The following ETV1 variants were observed in gnomAD, a reference collection of about 807,000 sequenced individuals.
The protein encoded by ETV1 is ETS variant transcription factor 1.
In ETV1, 27 loss-of-function variants were observed where a neutral mutation model predicts 62.3. The ratio of observed to expected loss-of-function variants is 0.43; its 90% CI spans 0.32 to 0.60. ETV1 has a LOEUF of 0.60. Ranked by LOEUF, ETV1 falls within the 20% of genes least tolerant of loss-of-function variation. The probability of loss-of-function intolerance (pLI) is 0.06; values close to 1 mark genes in which losing one functional copy is unlikely to be tolerated. For synonymous variants in ETV1, 222 were observed against 199.6 expected (o/e 1.11, Z -0.94); for missense variants, 605 against 605.8 (o/e 1.00, Z 0.01).
rs1453902775 is a variant in ETV1 at position 13,895,317 on chromosome 7, A to G, written c.*549T>C. On this transcript the variant is annotated 3_prime_UTR_variant, in exon 14 of 14. Coordinates refer to ENST00000430479, the MANE Select transcript of ETV1 (RefSeq NM_004956.5). ...ACAACAAACAGCAAATGCAATCGCT[A>G]AATACCTTTTTACAAGTGGTGCAAA... 8.5e-6 allele frequency: 2 copies of G among 234,008 alleles called. No individual in the cohort carries two copies. Among genetic ancestry groups the G allele is most frequent in the African/African-American group, 4.4e-5 (2 of 45,348 alleles). 14.5% of individuals were successfully genotyped at this position (234,008 alleles called of 1,614,324 possible).
intron 9 of ETV1, among the ~76,000 whole-genome samples, chr7:13,923,377 GAAT>G (rs1785066757): frequency 6.6e-6 from 1 of 152,048 alleles, no homozygotes; most frequent in South Asian, 2.1e-4. Flanking sequence ...GCAAAACATA[GAAT>G]AACATTTACA....
upstream of ETV1, chr7:13,989,758 T>A (rs1044005580): frequency 7.6e-6 from 3 of 396,880 alleles, no homozygotes; most frequent in African/African-American, 6.2e-5. Context: ...TGGCTCCGCG[T>A]CTCTTTCACA....
chr7:13,945,598 T>A (rs1788062977), intron 6 of ETV1, among the ~76,000 whole-genome samples: 1 of 152,188 alleles, frequency 6.6e-6, no homozygotes, highest in African/African-American at 2.4e-5. Context: ...GCTACATTAT[T>A]TTCCTTATTT....
intron 5 of ETV1, among the ~76,000 whole-genome samples, chr7:13,983,963 C>T (rs1219446952): frequency 6.6e-6 from 1 of 151,640 alleles, no homozygotes; most frequent in Admixed American, 6.6e-5. Context: ...TAATAATTAC[C>T]CATGACTAAT....
intron 9 of ETV1, among the ~76,000 whole-genome samples, chr7:13,917,886 C>G (rs956088636): frequency 6.6e-6 from 1 of 151,794 alleles, no homozygotes; most frequent in East Asian, 2.0e-4. Flanking sequence ...ATGGCGTGAA[C>G]CCGGGAGGCG....
intron 6 of ETV1, among the ~76,000 whole-genome samples, chr7:13,942,552 C>T (rs933185168): frequency 5.9e-5 from 9 of 152,218 alleles, no homozygotes; most frequent in South Asian, 2.1e-4. Context: ...TGACCCTCTT[C>T]GCTTTTCCAC....
intron 3 of ETV1, 40 bp from the exon 4 acceptor site, chr7:13,988,213 C>A (rs1194877347): frequency 1.5e-6 from 2 of 1,344,754 alleles, no homozygotes; most frequent in African/African-American, 3.0e-5. Context: ...AGAATGTAAA[C>A]CTCAGATCAC....
At chr7:13,958,200 C>T (rs540198214) in intron 6 of ETV1, among the ~76,000 whole-genome samples, 8 of 152,232 alleles carry the variant, frequency 5.3e-5, no homozygotes, top group African/African-American at 1.9e-4. Context: ...TACAAAAATA[C>T]ATTATACCCT....
In ETV1 at chr7:13,942,341, G is replaced by T. The variant is rs368114248; in HGVS notation, c.236-3095C>A. On this transcript the variant is annotated intron_variant, in intron 6 of 13. Transcript: ENST00000430479. ...CCCGGCCTCTTTTTTTAAACAAGTGGTTTTCGATTATTTATTACATCTTTG... is the reference window on the plus strand; with the variant it reads ...CCCGGCCTCTTTTTTTAAACAAGTGTTTTTCGATTATTTATTACATCTTTG... 2.9e-3 allele frequency among the ~76,000 whole-genome samples: 403 copies of T among 140,278 alleles called. 5 individuals carry two copies. Among genetic ancestry groups the T allele is most frequent in the African/African-American group, 9.6e-3 (384 of 40,088 alleles). The allele number at this position is 140,278 out of a possible 152,430, so 92.0% of individuals were successfully genotyped here. A position where few individuals can be genotyped will look rare whatever the true frequency, so the allele number is the denominator to read the frequency against.
intron 7 of ETV1, 105 bp from the exon 8 acceptor site, chr7:13,936,001 T>A: frequency 1.1e-6 from 1 of 892,670 alleles, no homozygotes; most frequent in Non-Finnish European, 1.7e-6. Flanking sequence ...TTAAGTCAAA[T>A]GGAAATGAAA....
chr7:13,917,973 A>G (rs1784378175), intron 9 of ETV1, among the ~76,000 whole-genome samples: 1 of 152,096 alleles, frequency 6.6e-6, no homozygotes, highest in African/African-American at 2.4e-5. Flanking sequence ...CAGAAAAAAA[A>G]GAAAAAGAAA....
rs553446193 is a variant in ETV1, at chr7:13,891,901, A to C, written c.*3965T>G. On this transcript the variant is annotated 3_prime_UTR_variant, in exon 14 of 14. Coordinates refer to ENST00000430479, the MANE Select transcript of ETV1 (RefSeq NM_004956.5). ...TTAGTTTTTGTTTTCTAGGATTCCA[A>C]GTAACAAACATCCAAATGACCTTCT... 4.3e-6 allele frequency: 1 copy of C among 231,512 alleles called. No individual in the cohort carries two copies. The highest frequency in any genetic ancestry group is 2.2e-5 in the African/African-American group (1 of 45,386). The allele number at this position is 231,512 out of a possible 1,614,324, so 14.3% of individuals were successfully genotyped here. A position where few individuals can be genotyped will look rare whatever the true frequency, so the allele number is the denominator to read the frequency against.
chr7:13,905,256 G>T (rs1415792725), intron 12 of ETV1, among the ~76,000 whole-genome samples: 1 of 152,076 alleles, frequency 6.6e-6, no homozygotes, highest in Admixed American at 6.6e-5. Context: ...AATTCAAGAT[G>T]ATGGACCCAG....
Position 13,977,671 on chromosome 7 carries a change from T to C in ETV1, c.182-191A>G, listed in dbSNP as rs141967092. 9.6e-4 allele frequency among the ~76,000 whole-genome samples: 146 copies of C among 152,280 alleles called. 2 individuals are homozygous for C. The East Asian group carries it at 0.02, about 21-fold the overall frequency. ...AGGAGAAATGGAAGGGGATCATTGATGTCACCTAGGAACCATATATATGTC... is the reference window on the plus strand; with the variant it reads ...AGGAGAAATGGAAGGGGATCATTGACGTCACCTAGGAACCATATATATGTC... On this transcript the variant is annotated intron_variant, in intron 5 of 13. Coordinates refer to ENST00000430479, the MANE Select transcript of ETV1 (RefSeq NM_004956.5).
intron 11 of ETV1, among the ~76,000 whole-genome samples, chr7:13,908,886 A>G (rs1411264074): frequency 6.6e-6 from 1 of 152,096 alleles, no homozygotes; most frequent in Non-Finnish European, 1.5e-5. Flanking sequence ...CGATCAAAGC[A>G]GGAAATATGA....
chr7:13,909,798 ACT>A, intron 10 of ETV1, 98 bp from the exon 11 acceptor site: 2 of 1,028,540 alleles, frequency 1.9e-6, no homozygotes, highest in Non-Finnish European at 3.0e-6. Context: ...ATAGAAAATG[ACT>A]CTGCCACCAC....
chr7:13,906,371 G>C, intron 12 of ETV1, 59 bp downstream of exon 12: 1 of 1,139,224 alleles, frequency 8.8e-7, no homozygotes, highest in South Asian at 2.2e-5. Flanking sequence ...AATCAAATGT[G>C]TCAGTTTCTT....
chr7:13,913,144 T>A (rs1783723338), intron 9 of ETV1, among the ~76,000 whole-genome samples: 1 of 152,240 alleles, frequency 6.6e-6, no homozygotes, highest in African/African-American at 2.4e-5. Context: ...AAATGTTTTG[T>A]GGCAGAGGAA....
intron 13 of ETV1, among the ~76,000 whole-genome samples, chr7:13,896,552 G>T (rs76635240): frequency 0.011 from 1,685 of 151,946 alleles, 24 homozygotes; most frequent in African/African-American, 0.039. Context: ...AAATTTAAAA[G>T]AAAAATGTGC....
Sources: allele counts gnomAD v4.1 joint callset (sites outside exome capture counted in the v4.1 genomes callset), GRCh38; gene constraint gnomAD v4.1.1; transcripts MANE v1.5; gene names NCBI Gene and HGNC (gene_info 2026-07-23, HGNC 2026-07-21).